The following STAT4 variants were observed in gnomAD, a reference collection of about 807,000 sequenced individuals.
The protein encoded by STAT4 is signal transducer and activator of transcription 4.
A neutral mutation model predicts 110.5 loss-of-function variants in STAT4; 42 were observed. The observed-to-expected ratio is 0.38, with a 90% CI of 0.30 to 0.49. The LOEUF is 0.49. Ranked by LOEUF, STAT4 falls within the 20% of genes least tolerant of loss-of-function variation. The pLI is 0.95. For synonymous variants in STAT4, 284 were observed against 302.2 expected, an observed-to-expected ratio of 0.94 and a Z score of 0.63; for missense variants, 632 against 887.9, an observed-to-expected ratio of 0.71 and a Z score of 3.66.
intron 5 of STAT4, among the ~76,000 whole-genome samples, chr2:191,070,447 T>G (rs1697114516): frequency 6.6e-6 from 1 of 152,172 alleles, no homozygotes; most frequent in South Asian, 2.1e-4. Flanking sequence ...CCACGAGATG[T>G]GAAGTAACTC....
rs1699460736 is a variant in STAT4, at chr2:191,146,391, C to T, written c.273+222G>A. On this transcript the variant is annotated intron_variant, in intron 3 of 23. Transcript: ENST00000392320. The surrounding 1 kb of genome is among the most constrained non-coding windows in gnomAD (Gnocchi z 4.5). Reference sequence around the variant, plus strand: ...ACATGCAAGTCCCACATGCAACACACTTGTAATGTATTTTATACACTATAC... The same window carrying T: ...ACATGCAAGTCCCACATGCAACACATTTGTAATGTATTTTATACACTATAC... Among the ~76,000 whole-genome samples the T allele has an allele frequency of 6.6e-6, 1 of 152,096 alleles. No individual in the cohort carries two copies. The highest frequency in any genetic ancestry group is 1.5e-5 in the Non-Finnish European group (1 of 68,024).
intron 3 of STAT4, among the ~76,000 whole-genome samples, chr2:191,108,075 G>A (rs1320730579): frequency 6.6e-6 from 1 of 152,018 alleles, no homozygotes; most frequent in Admixed American, 6.6e-5. Flanking sequence ...TGGATCACCT[G>A]AGGTCAGGAG....
intron 14 of STAT4, among the ~76,000 whole-genome samples, chr2:191,049,207 C>T (rs1353251786): frequency 7.4e-6 from 1 of 135,166 alleles, no homozygotes; most frequent in Non-Finnish European, 1.5e-5. Flanking sequence ...TGGAGTCTCG[C>T]TCTGTCACCC....
At chr2:191,130,755 C>T (rs2125414863) in intron 3 of STAT4, among the ~76,000 whole-genome samples, 1 of 151,646 alleles carries the variant, frequency 6.6e-6, no homozygotes, top group South Asian at 2.1e-4. Flanking sequence ...GTGAGCTTAT[C>T]TGTGCATTTA....
In STAT4 at chr2:191,059,853, G is replaced by C. The variant is rs1448271218; in HGVS notation, c.1035-1084C>G. Among the ~76,000 whole-genome samples, 1 of 152,060 alleles carries C rather than the reference G, an allele frequency of 6.6e-6. No individual in the cohort carries two copies. Among genetic ancestry groups the C allele is most frequent in the Non-Finnish European group, 1.5e-5 (1 of 68,012 alleles). ...CATTGGTGGTGAATGGTGAGAAGGG[G>C]GCATAGTCACATAAAATCAGGCCAG... On this transcript the variant is annotated intron_variant, in intron 10 of 23. Transcript: ENST00000392320. The surrounding 1 kb of genome is among the most constrained non-coding windows in gnomAD (Gnocchi z 4.7).
Position 191,060,329 on chromosome 2 carries a change from T to A in STAT4, c.1034+1400A>T, listed in dbSNP as rs1696813882. On this transcript the variant is annotated intron_variant, in intron 10 of 23. Coordinates refer to ENST00000392320, the MANE Select transcript of STAT4 (RefSeq NM_003151.4). This position sits in a 1 kb window ranked among gnomAD's most constrained non-coding sequence, Gnocchi z 4.5. Reference sequence around the variant, plus strand: ...TAGAATGTCCACCACTTCTCCATCTTATTTCACTCTCCTCCGAGTTATACA... The same window carrying A: ...TAGAATGTCCACCACTTCTCCATCTAATTTCACTCTCCTCCGAGTTATACA... Among the ~76,000 whole-genome samples, 1 of 152,222 alleles carries A rather than the reference T, an allele frequency of 6.6e-6. No homozygotes were observed. The highest frequency in any genetic ancestry group is 1.5e-5 in the Non-Finnish European group (1 of 68,034).
Position 191,060,375 on chromosome 2 carries a change from G to A in STAT4, c.1034+1354C>T, listed in dbSNP as rs148740747. Among the ~76,000 whole-genome samples, 3 of 152,150 alleles carry A rather than the reference G, an allele frequency of 2.0e-5. No homozygotes were observed. Among genetic ancestry groups the A allele is most frequent in the Admixed American group, 6.5e-5 (1 of 15,270 alleles). ...ATACAGAGATGTCGGAATGAGGAAG[G>A]AACAATTTTTGAGAAGAATGCTTAT... On this transcript the variant is annotated intron_variant, in intron 10 of 23. Coordinates refer to ENST00000392320, the MANE Select transcript of STAT4 (RefSeq NM_003151.4). The surrounding 1 kb of genome is among the most constrained non-coding windows in gnomAD (Gnocchi z 4.5).
chr2:191,114,696 C>T (rs1278164788), intron 3 of STAT4, among the ~76,000 whole-genome samples: 5 of 152,168 alleles, frequency 3.3e-5, no homozygotes, highest in Admixed American at 6.5e-5. Context: ...GGCTCTCCTA[C>T]CAAATCATTT....
intron 8 of STAT4, among the ~76,000 whole-genome samples, chr2:191,063,243 C>T (rs1359302119): frequency 6.6e-6 from 1 of 151,952 alleles, no homozygotes; most frequent in African/African-American, 2.4e-5. Context: ...TATTAAGCAT[C>T]TATATGTTAA....
chr2:191,047,839 T>C (rs565531122), intron 14 of STAT4, among the ~76,000 whole-genome samples: 2 of 152,294 alleles, frequency 1.3e-5, no homozygotes, highest in South Asian at 4.1e-4. Context: ...CTAATTTTTG[T>C]ATTTTTAGTA....
In STAT4 at chr2:191,064,827, C is replaced by T; in HGVS notation, c.762G>A (p.Gly254=). 1 of 1,612,192 alleles carries T rather than the reference C, an allele frequency of 6.2e-7. No homozygotes were observed. Among genetic ancestry groups the T allele is most frequent in the Non-Finnish European group, 8.5e-7 (1 of 1,179,240 alleles). Residue 254 remains glycine (G), a synonymous_variant, in exon 8 of 24, where the codon GGG becomes GGA. Transcript: ENST00000392320. ...IACIGGPLHN[G]LDQLQNCFTL... ...TTTACCAGTTCTGAAGCTGGTCGAG[C>T]CCATTGTGGAGTGGACCCCCGATGC...
intron 3 of STAT4, among the ~76,000 whole-genome samples, chr2:191,145,038 G>A (rs1020825783): frequency 1.3e-5 from 2 of 152,026 alleles, no homozygotes; most frequent in African/African-American, 4.8e-5. Context: ...TTACTAGTAG[G>A]CTAAGAGTTA....
chr2:191,117,856 G>A lies in STAT4; in HGVS notation c.273+28757C>T, dbSNP rs148761369. Among the ~76,000 whole-genome samples, 285 of 152,150 alleles carry A rather than the reference G, an allele frequency of 1.9e-3. 2 individuals are homozygous for A. Among genetic ancestry groups the A allele is most frequent in the Middle Eastern group, 6.8e-3 (2 of 294 alleles). ...ACCTATTCAGTGAGAATTGGAAATG[G>A]GGGCTGGAAATCTACACTTTTAACA... On this transcript the variant is annotated intron_variant, in intron 3 of 23. Transcript: ENST00000392320. The surrounding 1 kb of genome is among the most constrained non-coding windows in gnomAD (Gnocchi z 5.2).
rs568626674 is a variant in STAT4 at position 191,051,641 on chromosome 2, C to A, written c.1251+2849G>T. On this transcript the variant is annotated intron_variant, in intron 14 of 23. Transcript: ENST00000392320. The surrounding 1 kb of genome is among the most constrained non-coding windows in gnomAD (Gnocchi z 5.6). Reference sequence around the variant, plus strand: ...TTATGGTGTGAGACAGACATGATTTCGGAGCAGGTGGGTGAGGTGCAGACA... The same window carrying A: ...TTATGGTGTGAGACAGACATGATTTAGGAGCAGGTGGGTGAGGTGCAGACA... Among the ~76,000 whole-genome samples, 1 of 152,120 alleles carries A rather than the reference C, an allele frequency of 6.6e-6. No individual in the cohort carries two copies. The highest frequency in any genetic ancestry group is 2.1e-4 in the South Asian group (1 of 4,824).
At chr2:191,079,134 T>C (rs1171542539) in intron 3 of STAT4, among the ~76,000 whole-genome samples, 1 of 150,068 alleles carries the variant, frequency 6.7e-6, no homozygotes, top group South Asian at 2.1e-4. Context: ...CAATAGATAA[T>C]CTTTTTGTGT....
At position 191,112,828 on chromosome 2, in the gene STAT4, T is replaced by A. The variant is rs948544478; in HGVS notation, c.273+33785A>T. Among the ~76,000 whole-genome samples the A allele has an allele frequency of 2.6e-5, 4 of 152,206 alleles. No homozygotes were observed. The highest frequency in any genetic ancestry group is 5.9e-5 in the Non-Finnish European group (4 of 68,046). ...TTTGGACAAACTACAGAAGGAAAAT[T>A]CAGGATAATTTCTTGAAAGCAATAA... is the stretch of plus-strand genomic sequence containing the variant. On this transcript the variant is annotated intron_variant, in intron 3 of 23. Coordinates refer to ENST00000392320, the MANE Select transcript of STAT4 (RefSeq NM_003151.4). The surrounding 1 kb of genome is among the most constrained non-coding windows in gnomAD (Gnocchi z 4.3).
chr2:191,053,186 A>G lies in STAT4; in HGVS notation c.1251+1304T>C, dbSNP rs544819639. Among the ~76,000 whole-genome samples, 17 of 152,248 alleles carry G rather than the reference A, an allele frequency of 1.1e-4. No homozygotes were observed. Among genetic ancestry groups the G allele is most frequent in the Middle Eastern group, 3.4e-3 (1 of 294 alleles). On this transcript the variant is annotated intron_variant, in intron 14 of 23. Transcript: ENST00000392320. The surrounding 1 kb of genome is among the most constrained non-coding windows in gnomAD (Gnocchi z 4.5). The stretch of plus-strand genomic sequence containing the variant: ...TCCAAACAATTCAAAGATCTTTTTC[A>G]TGGGAGCTGTGACTATAAAGCCAAG...
intron 3 of STAT4, among the ~76,000 whole-genome samples, chr2:191,125,379 T>G (rs979031381): frequency 6.6e-6 from 1 of 152,026 alleles, no homozygotes; most frequent in African/African-American, 2.4e-5. Context: ...GGAGGTGAGA[T>G]CACTATGTTC....
chr2:191,044,769 A>C (rs1356094489), intron 14 of STAT4, among the ~76,000 whole-genome samples: 1 of 152,182 alleles, frequency 6.6e-6, no homozygotes, highest in East Asian at 1.9e-4. Context: ...AAAAGGAAGA[A>C]AGGAACTCAT....
Sources: allele counts gnomAD v4.1 joint callset (sites outside exome capture counted in the v4.1 genomes callset), GRCh38; gene constraint gnomAD v4.1.1; non-coding constraint Gnocchi (gnomAD v3.1); transcripts MANE v1.5; gene names NCBI Gene and HGNC (gene_info 2026-07-23, HGNC 2026-07-21).